LRP2: variants seen among roughly 807,000 people sequenced by gnomAD.
LRP2 encodes the protein low-density lipoprotein receptor-related protein 2.
In LRP2, 172 loss-of-function variants were observed where a neutral mutation model predicts 531.0. The observed-to-expected ratio is 0.32, with a 90% CI of 0.29 to 0.37. LRP2 has a LOEUF of 0.37. Among genes scored for constraint, LRP2 ranks in the 10% least tolerant of loss-of-function variants. The probability of loss-of-function intolerance (pLI) is 1.00; values close to 1 mark genes in which losing one functional copy is unlikely to be tolerated. For missense variants in LRP2, 5,167 were observed against 5,868.3 expected (o/e 0.88, Z 3.90); for synonymous variants, 1,992 against 2,027.6 (o/e 0.98, Z 0.47).
In LRP2 at chr2:169,254,643, TAAAA is replaced by T. The variant is rs528767921; in HGVS notation, c.2770+1459_2770+1462del. ...ATGTACCCTAAAACTTAGAGTATAATAAAAAAAAAAAAAAACAGCAATGTTGAAA... is the reference window on the plus strand; with the variant it reads ...ATGTACCCTAAAACTTAGAGTATAATAAAAAAAAAAACAGCAATGTTGAAA... On this transcript the variant is annotated intron_variant, in intron 19 of 78. Transcript: ENST00000649046. Among the ~76,000 whole-genome samples the T allele has an allele frequency of 4.1e-4, 30 of 73,266 alleles. 7 individuals carry two copies. Among genetic ancestry groups the T allele is most frequent in the African/African-American group, 1.6e-3 (26 of 16,552 alleles). 48.1% of individuals were successfully genotyped at this position (73,266 alleles called of 152,430 possible). A position where few individuals can be genotyped will look rare whatever the true frequency, so the allele number is the denominator to read the frequency against.
intron 16 of LRP2, among the ~76,000 whole-genome samples, chr2:169,262,778 G>A (rs940823922): frequency 6.6e-5 from 10 of 151,128 alleles, no homozygotes; most frequent in Admixed American, 2.6e-4. Context: ...AAAAGAGCCC[G>A]CATCGCCAAG....
At chr2:169,301,279 TTGAA>T (rs1273644182) in intron 4 of LRP2, among the ~76,000 whole-genome samples, 1 of 152,106 alleles carries the variant, frequency 6.6e-6, no homozygotes, top group Non-Finnish European at 1.5e-5. Flanking sequence ...AATATATTAA[TTGAA>T]TGACCTATAA....
At chr2:169,219,386 G>A (rs1246649129) in intron 34 of LRP2, among the ~76,000 whole-genome samples, 1 of 152,120 alleles carries the variant, frequency 6.6e-6, no homozygotes, top group Admixed American at 6.5e-5. Context: ...TTGTTATTCT[G>A]GTTTATAATA....
At chr2:169,340,903 A>C (rs1685544732) in intron 1 of LRP2, among the ~76,000 whole-genome samples, 1 of 152,142 alleles carries the variant, frequency 6.6e-6, no homozygotes, top group Non-Finnish European at 1.5e-5. Flanking sequence ...TCTTGAGTGC[A>C]TGCTTATGCC....
intron 24 of LRP2, 72 bp from the exon 25 acceptor site, chr2:169,241,437 G>A: frequency 6.4e-7 from 1 of 1,555,498 alleles, no homozygotes. Flanking sequence ...TAGACTCAGA[G>A]GAAATGATTT....
chr2:169,362,222 C>T (rs1686187160), intron 1 of LRP2, 99 bp downstream of exon 1: 2 of 1,086,168 alleles, frequency 1.8e-6, no homozygotes, highest in Admixed American at 2.3e-5. Context: ...CCGGCCCTAG[C>T]CCCTGCCCGG....
At chr2:169,154,682 G>A in intron 65 of LRP2, 79 bp from the exon 66 acceptor site, 1 of 1,251,158 alleles carries the variant, frequency 8.0e-7, no homozygotes, top group Non-Finnish European at 1.2e-6. Context: ...TGCACAGTAT[G>A]TACCTGTCCC....
Position 169,358,149 on chromosome 2 carries a change from G to A in LRP2, c.79+4172C>T, listed in dbSNP as rs527682434. On this transcript the variant is annotated intron_variant, in intron 1 of 78. Transcript: ENST00000649046. ...AGACTGTGCCTTATCTGGCAAGTCA[G>A]GATTCCAAAAGGAATCTAGAAATCT... is the stretch of plus-strand genomic sequence containing the variant. Among the ~76,000 whole-genome samples the A allele has an allele frequency of 1.1e-3, 175 of 152,254 alleles. 1 individual carries two copies. The highest frequency in any genetic ancestry group is 6.8e-3 in the Middle Eastern group (2 of 294).
chr2:169,166,364 T>A lies in LRP2; in HGVS notation c.11636-310A>T, dbSNP rs79973381. Among the ~76,000 whole-genome samples the A allele has an allele frequency of 0.02, 3,079 of 152,276 alleles. 38 individuals carry two copies. The highest frequency in any genetic ancestry group is 0.03 in the Non-Finnish European group (2,070 of 68,004). ...GAAACATCTACTGGGGTGATCTGAC[T>A]TAAGTTAGGGAGAGGAAGGCTTGGA... On this transcript the variant is annotated intron_variant, in intron 61 of 78. Coordinates refer to ENST00000649046, the MANE Select transcript of LRP2 (RefSeq NM_004525.3).
intron 1 of LRP2, among the ~76,000 whole-genome samples, chr2:169,345,490 C>A (rs1336600531): frequency 6.6e-6 from 1 of 152,116 alleles, no homozygotes; most frequent in East Asian, 1.9e-4. Context: ...TTAAAACACA[C>A]TTTATTGGGA....
chr2:169,346,769 G>T (rs994189886), intron 1 of LRP2, among the ~76,000 whole-genome samples: 2 of 152,086 alleles, frequency 1.3e-5, no homozygotes, highest in Non-Finnish European at 2.9e-5. Flanking sequence ...AAAATCCAAG[G>T]GTCTCTTCTC....
intron 4 of LRP2, among the ~76,000 whole-genome samples, chr2:169,295,257 A>C (rs1229486399): frequency 6.6e-6 from 1 of 152,330 alleles, no homozygotes. Context: ...CTCAAGCTTC[A>C]TGTCCTCTCC....
chr2:169,340,674 C>T (rs571707863), intron 1 of LRP2, among the ~76,000 whole-genome samples: 40 of 152,284 alleles, frequency 2.6e-4, no homozygotes, highest in South Asian at 8.3e-4. Context: ...CAGCAGAGGA[C>T]TGTGGAGCCT....
chr2:169,329,179 AC>A (rs1685199851), intron 1 of LRP2, among the ~76,000 whole-genome samples: 1 of 152,238 alleles, frequency 6.6e-6, no homozygotes, highest in Non-Finnish European at 1.5e-5. Context: ...ATAAGACTAC[AC>A]TGGGTCTTTG....
rs1467354542 is a variant in LRP2, at chr2:169,140,577, T to A, written c.13109-32A>T. The A allele has an allele frequency of 3.3e-6, 5 of 1,532,412 alleles. No homozygotes were observed. The African/African-American group carries it at 6.8e-5, about 21-fold the overall frequency. The allele number at this position is 1,532,412 out of a possible 1,614,324, so 94.9% of individuals were successfully genotyped here. ...GAAGGGAAAGCCATGCAGGTGTTAG[T>A]CAGCTGTACTCAGCAGAGTGCCCAC... is the stretch of plus-strand genomic sequence containing the variant. On this transcript the variant is annotated intron_variant, in intron 71 of 78. Transcript: ENST00000649046.
chr2:169,341,033 A>G (rs757302255), intron 1 of LRP2, among the ~76,000 whole-genome samples: 1 of 152,188 alleles, frequency 6.6e-6, no homozygotes, highest in Non-Finnish European at 1.5e-5. Flanking sequence ...AAATACATAC[A>G]CAAATGATTG....
In LRP2 at chr2:169,138,670, A is replaced by G; in HGVS notation, c.13425T>C (p.Asn4475=). ...CTGCCCCTGATCTGAAGGTCACCCC[A>G]TTCCCATTTTCAGAGGGCTTGACGA... ...SSLVKPSENG[N]GVTFRSGADL... The change falls in exon 75 of 79, where the codon AAT becomes AAC. Residue 4475 remains asparagine (N), a synonymous_variant. Coordinates refer to ENST00000649046, the MANE Select transcript of LRP2 (RefSeq NM_004525.3). 2.7e-5 allele frequency: 43 copies of G among 1,614,078 alleles called. No individual in the cohort carries two copies. Among genetic ancestry groups the G allele is most frequent in the Non-Finnish European group, 3.6e-5 (42 of 1,179,948 alleles).
chr2:169,239,791 A>G lies in LRP2; in HGVS notation c.4046-16T>C, dbSNP rs1417007785. On this transcript the variant is annotated splice_polypyrimidine_tract_variant and intron_variant, in intron 25 of 78. Transcript: ENST00000649046. ...CTGTTCCCATCTAGAAAAAAGAAAG[A>G]GAATAATGAAAAAAGAAAATCAAGA... 5 of 1,608,404 alleles carry G rather than the reference A, an allele frequency of 3.1e-6. No individual in the cohort carries two copies. Among genetic ancestry groups the G allele is most frequent in the African/African-American group, 1.3e-5 (1 of 74,818 alleles).
intron 1 of LRP2, among the ~76,000 whole-genome samples, chr2:169,357,063 A>G (rs1159397055): frequency 6.6e-6 from 1 of 152,128 alleles, no homozygotes; most frequent in Non-Finnish European, 1.5e-5. Flanking sequence ...AAAAATTTTT[A>G]ATTACTCAAG....
Sources: gnomAD v4.1 joint callset for allele counts (sites outside exome capture counted in the v4.1 genomes callset) on GRCh38, gnomAD v4.1.1 for gene constraint, MANE v1.5 for transcripts, NCBI Gene and HGNC (gene_info 2026-07-23, HGNC 2026-07-21) for gene names.